The following AZIN1 variants were observed in gnomAD, a reference collection of about 807,000 sequenced individuals.
AZIN1 encodes the protein antizyme inhibitor 1.
Under a neutral mutation model 47.4 loss-of-function variants are expected in AZIN1, and 12 were observed. The ratio of observed to expected loss-of-function variants is 0.25; its 90% CI spans 0.16 to 0.41. AZIN1 has a LOEUF of 0.41. Ranked by LOEUF, AZIN1 falls within the 10% of genes least tolerant of loss-of-function variation. The probability of loss-of-function intolerance (pLI) is 1.00; values close to 1 mark genes in which losing one functional copy is unlikely to be tolerated. For missense variants in AZIN1, 410 were observed against 532.4 expected (o/e 0.77, Z 2.26); for synonymous variants, 155 against 176.3 (o/e 0.88, Z 0.96).
chr8:102,834,367 T>C, intron 7 of AZIN1, 104 bp from the exon 8 acceptor site: 1 of 879,102 alleles, frequency 1.1e-6, no homozygotes, highest in South Asian at 1.6e-5. Context: ...TTCTGATCTT[T>C]AGTACAGCAA....
intron 2 of AZIN1, 43 bp from the exon 3 acceptor site, chr8:102,843,790 A>G: frequency 7.5e-7 from 1 of 1,326,714 alleles, no homozygotes; most frequent in Non-Finnish European, 9.9e-7. Context: ...TTATTTCAAT[A>G]GACATAATGT....
At chr8:102,842,062 G>A (rs1289891546) in intron 3 of AZIN1, among the ~76,000 whole-genome samples, 2 of 151,838 alleles carry the variant, frequency 1.3e-5, no homozygotes, top group African/African-American at 4.8e-5. Flanking sequence ...AGTGAGTTGA[G>A]ATCGCACCAC....
intron 2 of AZIN1, among the ~76,000 whole-genome samples, chr8:102,853,885 GA>G (rs1349908467): frequency 2.0e-5 from 3 of 151,510 alleles, no homozygotes; most frequent in Middle Eastern, 6.8e-3. Context: ...GGGGAGAAAA[GA>G]AAAAAAAGTA....
In AZIN1 at chr8:102,827,923, A is replaced by T. The variant is rs192260167; in HGVS notation, c.*644T>A. 6.5e-6 allele frequency: 1 copy of T among 152,700 alleles called. No individual in the cohort carries two copies. The highest frequency in any genetic ancestry group is 1.9e-4 in the East Asian group (1 of 5,190). 9.5% of individuals were successfully genotyped at this position (152,700 alleles called of 1,614,324 possible). A position where few individuals can be genotyped will look rare whatever the true frequency, so the allele number is the denominator to read the frequency against. ...GGGCTATAAAGAAAAAAACCCTTCA[A>T]AACAGTCCATATACACATCTATTTC... On this transcript the variant is annotated 3_prime_UTR_variant, in exon 12 of 12. Coordinates refer to ENST00000337198, the MANE Select transcript of AZIN1 (RefSeq NM_148174.4).
intron 2 of AZIN1, among the ~76,000 whole-genome samples, chr8:102,845,085 C>T (rs1447330536): frequency 6.6e-6 from 1 of 152,148 alleles, no homozygotes; most frequent in Non-Finnish European, 1.5e-5. Context: ...GTCTGGGCAG[C>T]CTGTTTTAAA....
chr8:102,838,635 T>C lies in AZIN1; in HGVS notation c.449+109A>G, dbSNP rs763659703. On this transcript the variant is annotated intron_variant, in intron 5 of 11. Transcript: ENST00000337198. ...AGGCCCTTTAAATAAGTTATAATTA[T>C]GATACACATCATTGCCCTACCACAA... The C allele has an allele frequency of 5.8e-5, 48 of 824,526 alleles. 1 individual carries two copies. The highest frequency in any genetic ancestry group is 5.1e-4 in the Admixed American group (16 of 31,646). 51.1% of individuals were successfully genotyped at this position (824,526 alleles called of 1,614,324 possible).
rs1474367813 is a variant in AZIN1, at chr8:102,829,936, A to G, written c.905T>C (p.Val302Ala). The G allele has an allele frequency of 2.5e-6, 4 of 1,580,406 alleles. No homozygotes were observed. In the African/African-American group the frequency reaches 4.1e-5, roughly 16 times the overall value. The change falls in exon 10 of 12, where the codon GTA becomes GCA. Residue 302 changes from valine to alanine, a missense_variant and splice_region_variant. Transcript: ENST00000337198. ...VVENDKFPSGVEKTGSDEPAF... is the reference protein window; with the variant it reads ...VVENDKFPSGAEKTGSDEPAF... ...TGGTTCATCACTTCCGGTTTTTTCT[A>G]CTGGAATAAAACAGGAAAGGGGAAA...
chr8:102,833,349 C>T lies in AZIN1; in HGVS notation c.742-131G>A, dbSNP rs988375417. The T allele has an allele frequency of 8.4e-6, 6 of 711,148 alleles. No individual in the cohort carries two copies. The African/African-American group carries it at 1.1e-4, about 13-fold the overall frequency. The allele number at this position is 711,148 out of a possible 1,614,324, so 44.1% of individuals were successfully genotyped here. ...AATCACAGATCATGAACCTTAGCAA[C>T]TTTGTAGTTATCTCCAAGCAATTAA... On this transcript the variant is annotated intron_variant, in intron 8 of 11. Transcript: ENST00000337198.
chr8:102,832,924 G>A, intron 9 of AZIN1, 132 bp downstream of exon 9: 1 of 760,034 alleles, frequency 1.3e-6, no homozygotes, highest in Non-Finnish European at 2.1e-6. Context: ...ATAGGCGTGA[G>A]CCACCACGCC....
chr8:102,841,929 G>A (rs1046372557), intron 3 of AZIN1, among the ~76,000 whole-genome samples: 5 of 151,778 alleles, frequency 3.3e-5, no homozygotes, highest in African/African-American at 7.3e-5. Context: ...TGGTCAACAC[G>A]GTGAAACCCT....
At chr8:102,828,720 A>G (rs757537371) in intron 11 of AZIN1, 42 bp from the exon 12 acceptor site, 5 of 1,281,970 alleles carry the variant, frequency 3.9e-6, no homozygotes, top group East Asian at 2.4e-5. Context: ...GTTTAAGCCC[A>G]AAGACCACGT....
At chr8:102,831,906 G>T (rs1374269856) in intron 9 of AZIN1, among the ~76,000 whole-genome samples, 1 of 152,140 alleles carries the variant, frequency 6.6e-6, no homozygotes, top group Non-Finnish European at 1.5e-5. Flanking sequence ...AATGAGCCCT[G>T]ATGGAGCCAC....
chr8:102,856,672 T>G (rs968359898), intron 2 of AZIN1, among the ~76,000 whole-genome samples: 1 of 152,248 alleles, frequency 6.6e-6, no homozygotes, highest in Non-Finnish European at 1.5e-5. Context: ...TTCACAACTA[T>G]GATGTTAACT....
intron 2 of AZIN1, among the ~76,000 whole-genome samples, chr8:102,846,451 TAA>T (rs1428474784): frequency 6.6e-6 from 1 of 152,242 alleles, no homozygotes; most frequent in Non-Finnish European, 1.5e-5. Context: ...TCTCCCAGCC[TAA>T]GTGTTTCATC....
chr8:102,830,359 G>T (rs560720026), intron 9 of AZIN1: 2 of 144,986 alleles, frequency 1.4e-5, no homozygotes, highest in East Asian at 4.0e-4. Flanking sequence ...CCAAGGCTGT[G>T]CTACTGCACT....
intron 2 of AZIN1, among the ~76,000 whole-genome samples, chr8:102,847,692 T>C (rs754794937): frequency 5.3e-5 from 8 of 151,914 alleles, no homozygotes; most frequent in Non-Finnish European, 1.2e-4. Context: ...CAGTCCCACC[T>C]CCACTCAGTC....
chr8:102,845,419 T>A (rs1563541726), intron 2 of AZIN1, among the ~76,000 whole-genome samples: 1 of 152,230 alleles, frequency 6.6e-6, no homozygotes, highest in South Asian at 2.1e-4. Flanking sequence ...TAGGATGTTT[T>A]TATTTTACCA....
intron 2 of AZIN1, among the ~76,000 whole-genome samples, chr8:102,845,318 T>C (rs935434737): frequency 3.3e-5 from 5 of 152,258 alleles, no homozygotes; most frequent in African/African-American, 1.2e-4. Context: ...TTTTAACTTT[T>C]CAAACACTAA....
intron 2 of AZIN1, chr8:102,855,883 G>T (rs1012916063): frequency 6.6e-6 from 1 of 152,090 alleles, no homozygotes; most frequent in Admixed American, 6.5e-5. Context: ...TTGGGACTAG[G>T]TATCTTTGTG....
Sources: allele counts gnomAD v4.1 joint callset (sites outside exome capture counted in the v4.1 genomes callset), GRCh38; gene constraint gnomAD v4.1.1; transcripts MANE v1.5; gene names NCBI Gene and HGNC (gene_info 2026-07-23, HGNC 2026-07-21).